DCHS2: variants seen among roughly 807,000 people sequenced by gnomAD.
DCHS2 encodes the protein protocadherin-23.
A neutral mutation model predicts 182.4 loss-of-function variants in DCHS2; 142 were observed. The ratio of observed to expected loss-of-function variants is 0.78; its 90% CI spans 0.68 to 0.89. DCHS2 has a LOEUF of 0.89. Ranked by LOEUF, DCHS2 falls within the 40% of genes least tolerant of loss-of-function variation. The probability of loss-of-function intolerance (pLI) is 0.00; values close to 1 mark genes in which losing one functional copy is unlikely to be tolerated. For synonymous variants in DCHS2, 1,740 were observed against 1,663.3 expected (o/e 1.05, Z -1.12); for missense variants, 4,319 against 4,198.6 (o/e 1.03, Z -0.79).
intron 13 of DCHS2, among the ~76,000 whole-genome samples, chr4:154,296,383 T>C (rs1734926269): frequency 1.3e-5 from 2 of 152,134 alleles, no homozygotes; most frequent in Non-Finnish European, 1.5e-5. Context: ...GGGAGTCACT[T>C]GGTTAACTTT....
At chr4:154,414,483 C>CT (rs770026688) in intron 1 of DCHS2, among the ~76,000 whole-genome samples, 13 of 119,438 alleles carry the variant, frequency 1.1e-4, no homozygotes, top group South Asian at 5.4e-4. Flanking sequence ...CTCCATACAG[C>CT]TTTCTTTTTT....
At chr4:154,311,988 T>C (rs962545858) in intron 10 of DCHS2, among the ~76,000 whole-genome samples, 1 of 151,804 alleles carries the variant, frequency 6.6e-6, no homozygotes, top group African/African-American at 2.4e-5. Context: ...TATGCAAATA[T>C]ATTTATAATA....
chr4:154,476,504 C>T (rs1735688468), intron 1 of DCHS2, among the ~76,000 whole-genome samples: 1 of 152,184 alleles, frequency 6.6e-6, no homozygotes, highest in Non-Finnish European at 1.5e-5. Flanking sequence ...GCTGTAAGAA[C>T]ATGAAAGATT....
At chr4:154,322,053 C>T (rs1474598821) in intron 8 of DCHS2, among the ~76,000 whole-genome samples, 2 of 152,096 alleles carry the variant, frequency 1.3e-5, no homozygotes, top group African/African-American at 4.8e-5. Context: ...TACCTTTTGT[C>T]CATTATAAAC....
At chr4:154,321,328 T>A (rs1736054299) in intron 8 of DCHS2, 106 bp from the exon 9 acceptor site, 12 of 1,218,008 alleles carry the variant, frequency 9.9e-6, no homozygotes, top group Non-Finnish European at 1.3e-5. Flanking sequence ...ATGTATGTGA[T>A]CATATGTTAA....
intron 2 of DCHS2, among the ~76,000 whole-genome samples, chr4:154,370,359 G>C (rs565278911): frequency 1.3e-5 from 2 of 152,250 alleles, no homozygotes; most frequent in East Asian, 3.9e-4. Flanking sequence ...AGATTGAAAA[G>C]TGAGGAAATG....
At chr4:154,353,243 C>T (rs2172034) in intron 3 of DCHS2, among the ~76,000 whole-genome samples, 50,321 of 151,822 alleles carry the variant, frequency 0.33, 9,988 homozygotes, top group South Asian at 0.45. Flanking sequence ...AAGAAACCCA[C>T]CTTCACCCAA....
chr4:154,420,167 G>A (rs996667696), intron 1 of DCHS2, among the ~76,000 whole-genome samples: 40 of 151,986 alleles, frequency 2.6e-4, no homozygotes, highest in African/African-American at 9.4e-4. Flanking sequence ...GGGCTGGGGA[G>A]ACCAGATGGA....
At chr4:154,353,730 T>C (rs556881865) in intron 3 of DCHS2, among the ~76,000 whole-genome samples, 1 of 152,356 alleles carries the variant, frequency 6.6e-6, no homozygotes, top group African/African-American at 2.4e-5. Context: ...CTATTTGTTC[T>C]ATTCCCTGGA....
At chr4:154,345,921 C>T (rs1440482791) in intron 3 of DCHS2, among the ~76,000 whole-genome samples, 3 of 152,180 alleles carry the variant, frequency 2.0e-5, no homozygotes, top group Non-Finnish European at 2.9e-5. Context: ...TAGACTGGGT[C>T]GCTCACACTT....
chr4:154,443,911 A>G (rs985060728), intron 1 of DCHS2, among the ~76,000 whole-genome samples: 10 of 152,176 alleles, frequency 6.6e-5, no homozygotes, highest in Non-Finnish European at 1.2e-4. Flanking sequence ...CTTGTGGCCC[A>G]TTCTTAGCCC....
intron 3 of DCHS2, among the ~76,000 whole-genome samples, chr4:154,342,214 T>TTAA (rs1554008845): frequency 6.6e-6 from 1 of 150,642 alleles, no homozygotes; most frequent in African/African-American, 2.4e-5. Context: ...ATTTTATTGG[T>TTAA]AAAAAAAAAA....
chr4:154,325,946 T>G (rs1736265250), intron 7 of DCHS2, among the ~76,000 whole-genome samples: 1 of 152,258 alleles, frequency 6.6e-6, no homozygotes, highest in Admixed American at 6.5e-5. Context: ...AACTTTGGAT[T>G]CAATATTTAT....
At chr4:154,301,361 C>T (rs1268507155) in intron 12 of DCHS2, among the ~76,000 whole-genome samples, 1 of 152,158 alleles carries the variant, frequency 6.6e-6, no homozygotes, top group African/African-American at 2.4e-5. Flanking sequence ...CATACAAGTA[C>T]TAAATTAACT....
In DCHS2 at chr4:154,332,651, T is replaced by C. The variant is rs781495672; in HGVS notation, c.3557A>G (p.Asp1186Gly). The C allele has an allele frequency of 6.2e-7, 1 of 1,614,256 alleles. No homozygotes were observed. Residue 1186 changes from aspartate (D) to glycine (G), a missense_variant, in exon 5 of 20, where the codon GAC (aspartate) becomes GGC (glycine). Asp to Gly is a moderately conservative substitution (Grantham distance 94, BLOSUM62 -1). Coordinates refer to ENST00000357232, the MANE Select transcript of DCHS2 (RefSeq NM_001358235.2). ...ATCATGCAAGAAGGTGGGGGAATTG[T>C]CATTCTCATCCCAGACACGAACAAT... is the stretch of plus-strand genomic sequence containing the variant. Reference protein sequence around the residue: ...TVIVRVWDENDNSPTFLHDVL... With the variant: ...TVIVRVWDENGNSPTFLHDVL...
At chr4:154,484,127 C>A (rs760767202) in intron 1 of DCHS2, among the ~76,000 whole-genome samples, 1 of 152,144 alleles carries the variant, frequency 6.6e-6, no homozygotes, top group African/African-American at 2.4e-5. Flanking sequence ...TTATTTTTTA[C>A]TCCTTCCACC....
chr4:154,475,829 C>A (rs1735659630), intron 1 of DCHS2, among the ~76,000 whole-genome samples: 1 of 152,040 alleles, frequency 6.6e-6, no homozygotes, highest in Admixed American at 6.6e-5. Flanking sequence ...TCAAAATAAC[C>A]CTTCAAAGTA....
intron 13 of DCHS2, 59 bp downstream of exon 13, chr4:154,297,791 TA>T: frequency 6.5e-7 from 1 of 1,546,478 alleles, no homozygotes; most frequent in Non-Finnish European, 8.7e-7. Context: ...GTATAATCCG[TA>T]CTCTTAAGCA....
At chr4:154,355,318 C>T (rs1190362176) in intron 3 of DCHS2, among the ~76,000 whole-genome samples, 2 of 72,768 alleles carry the variant, frequency 2.7e-5, no homozygotes, top group South Asian at 1.5e-3. Flanking sequence ...CATTAGCATG[C>T]TAAGAGGCAC....
Sources: allele counts gnomAD v4.1 joint callset (sites outside exome capture counted in the v4.1 genomes callset), GRCh38; gene constraint gnomAD v4.1.1; transcripts MANE v1.5; gene names NCBI Gene and HGNC (gene_info 2026-07-23, HGNC 2026-07-21).